Variants in TACC1 observed in about 807,000 individuals in gnomAD.
The protein encoded by TACC1 is transforming acidic coiled-coil-containing protein 1.
TACC1 carries 48 observed loss-of-function variants against 84.4 expected under a neutral mutation model. That is an observed-to-expected ratio of 0.57 (90% CI 0.45 to 0.72). The LOEUF is 0.72. TACC1 is among the 30% of genes least tolerant of loss of function. The probability of loss-of-function intolerance (pLI) is 0.00; values close to 1 mark genes in which losing one functional copy is unlikely to be tolerated. For missense variants in TACC1, 920 were observed against 973.0 expected, an observed-to-expected ratio of 0.95 and a Z score of 0.72; for synonymous variants, 372 against 376.3, an observed-to-expected ratio of 0.99 and a Z score of 0.13.
chr8:38,759,956 G>A (rs1418792774), intron 3 of TACC1, among the ~76,000 whole-genome samples: 1 of 152,048 alleles, frequency 6.6e-6, no homozygotes, highest in African/African-American at 2.4e-5. Context: ...CCGAACATAT[G>A]GCTGTCATGG....
chr8:38,828,347 G>A (rs972208441), intron 5 of TACC1, among the ~76,000 whole-genome samples: 8 of 152,278 alleles, frequency 5.3e-5, no homozygotes, highest in Non-Finnish European at 1.0e-4. Flanking sequence ...CTCACCACAA[G>A]GTTCATGGCT....
At chr8:38,756,250 G>C (rs1256412705) in intron 3 of TACC1, among the ~76,000 whole-genome samples, 1 of 152,094 alleles carries the variant, frequency 6.6e-6, no homozygotes, top group Non-Finnish European at 1.5e-5. Context: ...AGCGCCCACT[G>C]TGTGCCAAGC....
chr8:38,782,294 G>A (rs1816167180), upstream of TACC1, among the ~76,000 whole-genome samples: 2 of 152,054 alleles, frequency 1.3e-5, no homozygotes, highest in African/African-American at 4.8e-5. Context: ...TCTTGCGATA[G>A]TTTACTGAGA....
At chr8:38,818,754 TA>T (rs1354073570) in intron 2 of TACC1, among the ~76,000 whole-genome samples, 1 of 152,134 alleles carries the variant, frequency 6.6e-6, no homozygotes, top group African/African-American at 2.4e-5. Context: ...ACAGTCTTTT[TA>T]AATTCTGTTC....
chr8:38,802,438 C>G (rs909901504), intron 2 of TACC1: 9 of 152,154 alleles, frequency 5.9e-5, no homozygotes, highest in Non-Finnish European at 1.2e-4. Flanking sequence ...CTAGGTTTTG[C>G]ACTCCTTGTG....
chr8:38,746,951 A>G (rs892827289), intron 3 of TACC1, among the ~76,000 whole-genome samples: 3 of 152,236 alleles, frequency 2.0e-5, no homozygotes, highest in African/African-American at 7.2e-5. Flanking sequence ...TGATAGACTC[A>G]TACCCAACCA....
chr8:38,799,586 A>C (rs1031352218), intron 2 of TACC1: 3 of 152,248 alleles, frequency 2.0e-5, no homozygotes, highest in Non-Finnish European at 4.4e-5. Context: ...GAAGAAGGCA[A>C]ATGTTAAAAG....
chr8:38,766,024 T>G (rs1208314569), intron 3 of TACC1, among the ~76,000 whole-genome samples: 1 of 152,170 alleles, frequency 6.6e-6, no homozygotes, highest in East Asian at 1.9e-4. Flanking sequence ...GGGACAGTCT[T>G]TAGAGTTTAT....
At chr8:38,742,464 T>A in intron 2 of TACC1, 1 of 1,526,434 alleles carries the variant, frequency 6.6e-7, no homozygotes, top group East Asian at 2.5e-5. Context: ...AATTCTTTTC[T>A]TTGACATTGA....
chr8:38,804,988 T>G (rs550877563), intron 2 of TACC1, among the ~76,000 whole-genome samples: 1 of 152,228 alleles, frequency 6.6e-6, no homozygotes, highest in East Asian at 1.9e-4. Flanking sequence ...GAAAGGGCAA[T>G]TAAAGTGATT....
intron 2 of TACC1, among the ~76,000 whole-genome samples, chr8:38,794,359 A>G (rs1819479400): frequency 1.3e-5 from 2 of 152,040 alleles, no homozygotes; most frequent in African/African-American, 4.8e-5. Context: ...CTGGTCTCGA[A>G]CTCCTGGGCT....
intron 1 of TACC1, among the ~76,000 whole-genome samples, chr8:38,740,841 C>T (rs1239339111): frequency 6.6e-6 from 1 of 152,182 alleles, no homozygotes; most frequent in East Asian, 1.9e-4. Context: ...AACTTTCAGA[C>T]CTCTTGGAGA....
intron 2 of TACC1, among the ~76,000 whole-genome samples, chr8:38,800,898 C>T (rs1056937722): frequency 3.3e-5 from 5 of 152,228 alleles, no homozygotes; most frequent in Non-Finnish European, 7.3e-5. Flanking sequence ...TCCATATCCT[C>T]TCCAACACTT....
chr8:38,738,844 G>T (rs969158857), intron 1 of TACC1, among the ~76,000 whole-genome samples: 1 of 152,088 alleles, frequency 6.6e-6, no homozygotes, highest in Non-Finnish European at 1.5e-5. Context: ...GGTGCCATTG[G>T]TTCTAGGCCC....
chr8:38,809,019 C>T (rs905519138), intron 2 of TACC1, among the ~76,000 whole-genome samples: 2 of 152,050 alleles, frequency 1.3e-5, no homozygotes, highest in African/African-American at 2.4e-5. Context: ...GCACCTGCCC[C>T]GAGCTGGCCA....
At chr8:38,756,798 G>A (rs1043686546) in intron 3 of TACC1, among the ~76,000 whole-genome samples, 1 of 152,232 alleles carries the variant, frequency 6.6e-6, no homozygotes, top group African/African-American at 2.4e-5. Context: ...GGAGGCAGAA[G>A]CGGTTTAGGG....
At chr8:38,824,076 C>G (rs1827494589) in intron 3 of TACC1, 9 of 1,278,968 alleles carry the variant, frequency 7.0e-6, no homozygotes, top group African/African-American at 1.5e-5. Flanking sequence ...GCAGTTTCCT[C>G]TCTCCCCTCC....
At chr8:38,814,029 T>A (rs1824860700) in intron 2 of TACC1, among the ~76,000 whole-genome samples, 1 of 152,232 alleles carries the variant, frequency 6.6e-6, no homozygotes, top group Non-Finnish European at 1.5e-5. Context: ...TATTTTATCC[T>A]GACCTCAGCC....
At position 38,846,826 on chromosome 8, in the gene TACC1, A is replaced by T. The variant is rs1230806968; in HGVS notation, c.2349+7A>T. ...AAGGGCCCTGCAGCAGAAGGTACAG[A>T]AAGGGACCTGATCTGGGTGGCCACA... is the stretch of plus-strand genomic sequence containing the variant. On this transcript the variant is annotated splice_region_variant and intron_variant, in intron 12 of 12. Transcript: ENST00000317827. The T allele has an allele frequency of 1.2e-6, 2 of 1,614,074 alleles. No homozygotes were observed.
Sources: gnomAD v4.1 joint callset for allele counts (sites outside exome capture counted in the v4.1 genomes callset) on GRCh38, gnomAD v4.1.1 for gene constraint, MANE v1.5 for transcripts, NCBI Gene and HGNC (gene_info 2026-07-23, HGNC 2026-07-21) for gene names.